Variants in RAPGEF4 observed in about 807,000 individuals in gnomAD.
The protein encoded by RAPGEF4 is RAP guanine-nucleotide-exchange factor (GEF) 4.
In RAPGEF4, 66 loss-of-function variants were observed where a neutral mutation model predicts 147.9. That is an observed-to-expected ratio of 0.45 (90% CI 0.37 to 0.55). RAPGEF4 has a LOEUF of 0.55. Among genes scored for constraint, RAPGEF4 ranks in the 20% least tolerant of loss-of-function variants. The probability of loss-of-function intolerance (pLI) is 0.00; values close to 1 mark genes in which losing one functional copy is unlikely to be tolerated. For missense variants in RAPGEF4, 1,071 were observed against 1,257.3 expected, an observed-to-expected ratio of 0.85 and a Z score of 2.24; for synonymous variants, 419 against 442.7, an observed-to-expected ratio of 0.95 and a Z score of 0.67.
intron 4 of RAPGEF4, among the ~76,000 whole-genome samples, chr2:172,902,140 G>A (rs1440826956): frequency 1.3e-5 from 2 of 152,122 alleles, no homozygotes; most frequent in Non-Finnish European, 2.9e-5. Context: ...ACCTGAAAGA[G>A]GGCAGAGTGG....
At chr2:172,764,952 C>T (rs1574752008) in intron 1 of RAPGEF4, among the ~76,000 whole-genome samples, 1 of 152,118 alleles carries the variant, frequency 6.6e-6, no homozygotes, top group Non-Finnish European at 1.5e-5. Context: ...AACAAAGTAC[C>T]ACAAACTGGG....
intron 1 of RAPGEF4, 32 bp downstream of exon 1, chr2:172,736,080 A>AGCT: frequency 6.9e-7 from 1 of 1,446,664 alleles, no homozygotes; most frequent in Non-Finnish European, 9.1e-7. Flanking sequence ...CCGGGGGCCG[A>AGCT]GCTCTGCGGT....
chr2:172,818,993 G>A (rs1195153455), intron 4 of RAPGEF4, among the ~76,000 whole-genome samples: 1 of 152,154 alleles, frequency 6.6e-6, no homozygotes, highest in African/African-American at 2.4e-5. Flanking sequence ...CATCATGAAT[G>A]TGATTAGAAG....
At chr2:172,782,534 A>T (rs994248773) in intron 1 of RAPGEF4, among the ~76,000 whole-genome samples, 3 of 152,102 alleles carry the variant, frequency 2.0e-5, no homozygotes, top group African/African-American at 7.2e-5. Flanking sequence ...GGGCTCTCCT[A>T]CTATTTAGGG....
intron 8 of RAPGEF4, among the ~76,000 whole-genome samples, chr2:172,964,763 T>G (rs1207361532): frequency 6.6e-6 from 1 of 152,222 alleles, no homozygotes; most frequent in Admixed American, 6.5e-5. Context: ...TGAACCATCA[T>G]GTTGTGGATA....
At chr2:173,047,570 T>C (rs1184549790) in intron 29 of RAPGEF4, among the ~76,000 whole-genome samples, 1 of 152,174 alleles carries the variant, frequency 6.6e-6, no homozygotes, top group Non-Finnish European at 1.5e-5. Flanking sequence ...TTATATATTT[T>C]TAAATATAAG....
chr2:173,051,663 A>G lies in RAPGEF4; in HGVS notation c.2932A>G (p.Lys978Glu). Residue 978 changes from lysine (K) to glutamate (E), a missense_variant, in exon 31 of 31, where the codon AAG (lysine) becomes GAG (glutamate). Lys to Glu is a moderately conservative substitution (Grantham distance 56). Coordinates refer to ENST00000397081, the MANE Select transcript of RAPGEF4 (RefSeq NM_007023.4). ...AGATCCTGATGCAGCTCAAGCTAAT[A>G]AGAACCATCAGGATGTCCGGAGTTA... ...PFNPDAAQAN[K>E]NHQDVRSYVR... 6.2e-7 allele frequency: 1 copy of G among 1,613,974 alleles called. No individual in the cohort carries two copies. The highest frequency in any genetic ancestry group is 8.5e-7 in the Non-Finnish European group (1 of 1,179,866).
In RAPGEF4 at chr2:173,018,504, G is replaced by A. The variant is rs539071602; in HGVS notation, c.2009-152G>A. ...TGCTAAGGTAAGCAGTTTAGAAGGG[G>A]CAGGAATAGGGGTAAATGAGTATGA... is the stretch of plus-strand genomic sequence containing the variant. On this transcript the variant is annotated intron_variant, in intron 21 of 30. Transcript: ENST00000397081. 422 of 736,254 alleles carry A rather than the reference G, an allele frequency of 5.7e-4. 2 individuals are homozygous for A. The South Asian group carries it at 8.5e-3, about 15-fold the overall frequency. 45.6% of individuals were successfully genotyped at this position (736,254 alleles called of 1,614,324 possible). A position where few individuals can be genotyped will look rare whatever the true frequency, so the allele number is the denominator to read the frequency against.
At chr2:172,931,775 T>C (rs1321174598) in intron 6 of RAPGEF4, among the ~76,000 whole-genome samples, 1 of 152,238 alleles carries the variant, frequency 6.6e-6, no homozygotes, top group African/African-American at 2.4e-5. Context: ...TTTTAGGTTA[T>C]GTGAGATTTT....
At chr2:172,746,971 G>T (rs566470007) in intron 1 of RAPGEF4, among the ~76,000 whole-genome samples, 1 of 152,242 alleles carries the variant, frequency 6.6e-6, no homozygotes, top group East Asian at 1.9e-4. Context: ...ATTAAATGGA[G>T]AAATAATTTT....
At position 172,886,820 on chromosome 2, in the gene RAPGEF4, T is replaced by C. The variant is rs377662123; in HGVS notation, c.445-30982T>C. ...GGGACATGATGCCCTATGCAAAGTG[T>C]TTTCCAGACTCTTGCTTGTTTGAAA... On this transcript the variant is annotated intron_variant, in intron 4 of 30. Transcript: ENST00000397081. Among the ~76,000 whole-genome samples, 212 of 152,268 alleles carry C rather than the reference T, an allele frequency of 1.4e-3. 1 individual carries two copies. The highest frequency in any genetic ancestry group is 4.7e-3 in the African/African-American group (196 of 41,548).
intron 3 of RAPGEF4, among the ~76,000 whole-genome samples, chr2:172,813,978 C>T (rs1688262686): frequency 1.3e-5 from 2 of 152,184 alleles, no homozygotes. Flanking sequence ...CGGAGAATAT[C>T]GTCTGACTTC....
intron 4 of RAPGEF4, among the ~76,000 whole-genome samples, chr2:172,909,186 G>A (rs185985187): frequency 5.3e-5 from 8 of 152,284 alleles, no homozygotes; most frequent in Admixed American, 5.2e-4. Context: ...CCTTGTAGAA[G>A]CTTCTCTGGA....
At chr2:172,800,921 T>C (rs940106571) in intron 3 of RAPGEF4, among the ~76,000 whole-genome samples, 1 of 152,058 alleles carries the variant, frequency 6.6e-6, no homozygotes, top group Non-Finnish European at 1.5e-5. Flanking sequence ...TAGACCCCAA[T>C]GAGGAGGGAA....
At chr2:172,850,647 A>G (rs1279775369) in intron 4 of RAPGEF4, among the ~76,000 whole-genome samples, 6 of 152,164 alleles carry the variant, frequency 3.9e-5, no homozygotes, top group Non-Finnish European at 7.3e-5. Context: ...GATATTATTT[A>G]AAATGCAAGT....
At chr2:172,795,433 T>G (rs1042833694) in intron 2 of RAPGEF4, among the ~76,000 whole-genome samples, 4 of 152,342 alleles carry the variant, frequency 2.6e-5, no homozygotes, top group African/African-American at 9.6e-5. Context: ...TTTCACACAT[T>G]TAGCTATATC....
intron 9 of RAPGEF4, among the ~76,000 whole-genome samples, chr2:172,965,986 T>C (rs1689799564): frequency 6.6e-6 from 1 of 152,258 alleles, no homozygotes; most frequent in Admixed American, 6.5e-5. Flanking sequence ...AGCGTGATTA[T>C]ACTCTGAGCA....
At chr2:173,041,789 C>T (rs1448458274) in intron 29 of RAPGEF4, among the ~76,000 whole-genome samples, 1 of 152,146 alleles carries the variant, frequency 6.6e-6, no homozygotes, top group African/African-American at 2.4e-5. Context: ...CTCCTTTTGG[C>T]CTCAGGGTTT....
chr2:172,929,373 A>G (rs1685689812), intron 6 of RAPGEF4, among the ~76,000 whole-genome samples: 2 of 152,178 alleles, frequency 1.3e-5, no homozygotes. Flanking sequence ...TTGAAGACAG[A>G]TGACAGATAA....
Sources: gnomAD v4.1 joint callset for allele counts (sites outside exome capture counted in the v4.1 genomes callset) on GRCh38, gnomAD v4.1.1 for gene constraint, MANE v1.5 for transcripts, NCBI Gene and HGNC (gene_info 2026-07-23, HGNC 2026-07-21) for gene names.